GLIS1: variants seen among roughly 807,000 people sequenced by gnomAD.
GLIS1 encodes zinc finger protein GLIS1.
Under a neutral mutation model 63.8 loss-of-function variants are expected in GLIS1, and 24 were observed. The observed-to-expected ratio is 0.38, with a 90% CI of 0.27 to 0.53. The LOEUF (loss-of-function observed/expected upper bound fraction) is 0.53, where lower values mean the gene tolerates loss of function less well. Ranked by LOEUF, GLIS1 falls within the 20% of genes least tolerant of loss-of-function variation. The pLI, the probability that GLIS1 is intolerant of heterozygous loss-of-function variation, is 0.85. For synonymous variants in GLIS1, 450 were observed against 482.5 expected (o/e 0.93, Z 0.88); for missense variants, 1,036 against 1,074.1 (o/e 0.96, Z 0.50).
intron 2 of GLIS1, among the ~76,000 whole-genome samples, chr1:53,661,618 G>A (rs1027831900): frequency 2.0e-5 from 3 of 152,130 alleles, no homozygotes; most frequent in African/African-American, 4.8e-5. Context: ...GGCCTGATTC[G>A]AGGAGGCCTA....
intron 2 of GLIS1, among the ~76,000 whole-genome samples, chr1:53,687,039 G>A (rs904971166): frequency 6.6e-6 from 1 of 152,252 alleles, no homozygotes; most frequent in East Asian, 1.9e-4. Context: ...AGGCCACTGA[G>A]GCTCAGAGAG....
rs1491126880 is a variant in GLIS1, at chr1:53,604,944, A to ATG, written c.260-4667_260-4666insCA. ...TGTGTGTGTGTGTGTATATATATAC[A>ATG]TATATATATATACACACACACACAC... On this transcript the variant is annotated intron_variant, in intron 2 of 10. Transcript: ENST00000628545. Among the ~76,000 whole-genome samples the ATG allele has an allele frequency of 0.02, 104 of 5,202 alleles. 1 individual carries two copies. In the South Asian group the frequency reaches 0.38, roughly 19 times the overall value. 3.4% of individuals were successfully genotyped at this position (5,202 alleles called of 152,430 possible).
chr1:53,513,169 C>G (rs917131193), intron 8 of GLIS1, among the ~76,000 whole-genome samples: 18 of 152,114 alleles, frequency 1.2e-4, no homozygotes, highest in African/African-American at 3.9e-4. Flanking sequence ...GAGGCCTCCT[C>G]CTCTCCCTGC....
At chr1:53,575,269 G>A (rs904433027) in intron 4 of GLIS1, among the ~76,000 whole-genome samples, 2 of 152,030 alleles carry the variant, frequency 1.3e-5, no homozygotes, top group East Asian at 1.9e-4. Flanking sequence ...CACGCCTCAC[G>A]CCCCCCTGCT....
intron 2 of GLIS1, among the ~76,000 whole-genome samples, chr1:53,724,138 G>A (rs1045124692): frequency 1.2e-4 from 18 of 152,218 alleles, no homozygotes; most frequent in African/African-American, 4.3e-4. Context: ...CAGCATGACA[G>A]CCCCATCTCA....
At chr1:53,681,932 C>T (rs1214541785) in intron 2 of GLIS1, among the ~76,000 whole-genome samples, 1 of 152,162 alleles carries the variant, frequency 6.6e-6, no homozygotes, top group African/African-American at 2.4e-5. Context: ...GACTGCTTCC[C>T]CTCCCTTCCT....
At chr1:53,658,648 G>A (rs1354020571) in intron 2 of GLIS1, among the ~76,000 whole-genome samples, 2 of 152,208 alleles carry the variant, frequency 1.3e-5, no homozygotes, top group Non-Finnish European at 2.9e-5. Flanking sequence ...AGCACCTCAG[G>A]TGGGTCCTCT....
chr1:53,651,693 T>C (rs375922547), intron 2 of GLIS1, among the ~76,000 whole-genome samples: 2 of 152,028 alleles, frequency 1.3e-5, no homozygotes, highest in Non-Finnish European at 2.9e-5. Context: ...CTGGGCAACA[T>C]AGTGACACCC....
At chr1:53,688,466 C>G (rs967001554) in intron 2 of GLIS1, among the ~76,000 whole-genome samples, 3 of 152,220 alleles carry the variant, frequency 2.0e-5, no homozygotes, top group Non-Finnish European at 2.9e-5. Flanking sequence ...TTCCCACCAC[C>G]CTCTCTGCTC....
chr1:53,638,673 C>T (rs1645753219), intron 2 of GLIS1, among the ~76,000 whole-genome samples: 3 of 152,186 alleles, frequency 2.0e-5, no homozygotes, highest in Admixed American at 6.5e-5. Flanking sequence ...CTGCACATCC[C>T]GTGAGGACCT....
intron 4 of GLIS1, among the ~76,000 whole-genome samples, chr1:53,544,973 G>C (rs1229331636): frequency 4.6e-5 from 7 of 152,314 alleles, no homozygotes; most frequent in African/African-American, 1.2e-4. Context: ...AGCCCAGAGA[G>C]GGCAAGGCTC....
chr1:53,678,686 T>C (rs1248516529), intron 2 of GLIS1, among the ~76,000 whole-genome samples: 2 of 152,094 alleles, frequency 1.3e-5, no homozygotes. Context: ...CTGAGTTAAA[T>C]GAATGCATCA....
chr1:53,599,094 G>T (rs925268202), intron 3 of GLIS1, among the ~76,000 whole-genome samples: 5 of 152,216 alleles, frequency 3.3e-5, no homozygotes, highest in African/African-American at 1.2e-4. Flanking sequence ...TGGGTGAGGG[G>T]CCTGGGGCTG....
intron 2 of GLIS1, among the ~76,000 whole-genome samples, chr1:53,649,108 A>C (rs1361339994): frequency 1.1e-4 from 16 of 152,212 alleles, no homozygotes; most frequent in Admixed American, 1.0e-3. Context: ...ATAGCCTAGA[A>C]ATATCACAAA....
chr1:53,663,725 G>A (rs957173882), intron 2 of GLIS1, among the ~76,000 whole-genome samples: 40 of 152,164 alleles, frequency 2.6e-4, no homozygotes, highest in African/African-American at 9.7e-4. Flanking sequence ...GGAGCCCGGG[G>A]AACACTGGCT....
At chr1:53,636,140 A>T (rs1427114699) in intron 2 of GLIS1, among the ~76,000 whole-genome samples, 6 of 152,234 alleles carry the variant, frequency 3.9e-5, no homozygotes, top group Non-Finnish European at 8.8e-5. Flanking sequence ...GGAGGCTATA[A>T]GAAAGGAAAA....
intron 2 of GLIS1, among the ~76,000 whole-genome samples, chr1:53,640,719 G>T (rs1158000854): frequency 1.3e-5 from 2 of 152,174 alleles, no homozygotes; most frequent in East Asian, 3.9e-4. Flanking sequence ...CGTGCCCAAA[G>T]TCATCAAAGA....
chr1:53,595,093 G>T, intron 3 of GLIS1, 103 bp from the exon 4 acceptor site: 1 of 1,057,688 alleles, frequency 9.5e-7, no homozygotes, highest in Non-Finnish European at 1.3e-6. Flanking sequence ...GGATGGACAA[G>T]CCCAGGGCAG....
intron 2 of GLIS1, among the ~76,000 whole-genome samples, chr1:53,683,670 G>T (rs1444772199): frequency 6.6e-6 from 1 of 152,146 alleles, no homozygotes; most frequent in African/African-American, 2.4e-5. Flanking sequence ...GCACGGGCAG[G>T]CATGTGGAAT....
Sources: allele counts gnomAD v4.1 joint callset (sites outside exome capture counted in the v4.1 genomes callset), GRCh38; gene constraint gnomAD v4.1.1; transcripts MANE v1.5; gene names NCBI Gene and HGNC (gene_info 2026-07-23, HGNC 2026-07-21).